The following FBXO21 variants were observed in gnomAD, a reference collection of about 807,000 sequenced individuals.
FBXO21 encodes F-box only protein 21.
FBXO21 carries 32 observed loss-of-function variants against 76.6 expected under a neutral mutation model. The ratio of observed to expected loss-of-function variants is 0.42; its 90% confidence interval spans 0.32 to 0.56. The LOEUF (loss-of-function observed/expected upper bound fraction) is 0.56, where lower values mean the gene tolerates loss of function less well. FBXO21 is among the 20% of genes least tolerant of loss of function. The pLI is 0.16. For synonymous variants in FBXO21, 328 were observed against 311.5 expected (o/e 1.05, Z -0.56); for missense variants, 586 against 797.3 (o/e 0.73, Z 3.19).
Position 117,155,906 on chromosome 12 carries a change from G to A in FBXO21, c.1560C>T (p.Cys520=). The part of the protein sequence containing the change: ...NCVIYGWDPT[C]MMGHEWIRNM... ...TCCGGATCCACTCGTGTCCCATCAT[G>A]CAGGTGGGGTCCCAGCCGTAGATCA... The change falls in exon 11 of 12, where the codon TGC becomes TGT. Residue 520 remains cysteine (C), a synonymous_variant. Coordinates refer to ENST00000622495, the MANE Select transcript of FBXO21 (RefSeq NM_015002.3). 2.5e-6 allele frequency: 4 copies of A among 1,614,204 alleles called. No homozygotes were observed. Among genetic ancestry groups the A allele is most frequent in the Non-Finnish European group, 3.4e-6 (4 of 1,180,004 alleles).
intron 3 of FBXO21, among the ~76,000 whole-genome samples, chr12:117,182,372 C>A (rs1036720099): frequency 3.9e-5 from 6 of 152,022 alleles, no homozygotes; most frequent in Admixed American, 1.3e-4. Context: ...TGCCTGTATT[C>A]CTAGCTACTC....
Position 117,144,161 on chromosome 12 carries a change from G to C in FBXO21, c.*1926C>G, listed in dbSNP as rs1038786484. 3.3e-4 allele frequency: 50 copies of C among 152,212 alleles called. No homozygotes were observed. Among genetic ancestry groups the C allele is most frequent in the African/African-American group, 1.2e-3 (48 of 41,426 alleles). The allele number at this position is 152,212 out of a possible 1,614,324, so 9.4% of individuals were successfully genotyped here. On this transcript the variant is annotated 3_prime_UTR_variant, in exon 12 of 12. Transcript: ENST00000622495. ...TCTTTCTTGACTTTGATGTGTCTAA[G>C]AAAAAAGGAAATCAATCAAACCAGA...
intron 5 of FBXO21, 32 bp downstream of exon 5, chr12:117,174,619 T>C: frequency 2.5e-6 from 4 of 1,602,718 alleles, no homozygotes; most frequent in East Asian, 4.5e-5. Context: ...TTTTCTTTCA[T>C]AAATACAGCT....
chr12:117,153,756 A>G (rs1161122531), intron 11 of FBXO21, among the ~76,000 whole-genome samples: 1 of 152,290 alleles, frequency 6.6e-6, no homozygotes, highest in Non-Finnish European at 1.5e-5. Context: ...GTGTAGGAAC[A>G]GCTTTGAAGT....
Position 117,189,402 on chromosome 12 carries a change from C to G in FBXO21, c.240-40G>C, listed in dbSNP as rs369152182. On this transcript the variant is annotated intron_variant, in intron 1 of 11. Transcript: ENST00000622495. ...ACACCCCCTCAGCTTAACAGAAACT[C>G]AAAGGCAGGCGGCCACGAATCCAAG... 5.0e-6 allele frequency: 8 copies of G among 1,611,874 alleles called. No homozygotes were observed. In the African/African-American group the frequency reaches 1.1e-4, roughly 22 times the overall value.
intron 10 of FBXO21, among the ~76,000 whole-genome samples, chr12:117,157,598 C>G (rs377544779): frequency 2.6e-5 from 4 of 152,182 alleles, no homozygotes; most frequent in African/African-American, 9.6e-5. Flanking sequence ...TGTTCTCACA[C>G]ACAGAGAAGG....
chr12:117,155,717 C>G, intron 11 of FBXO21, 74 bp downstream of exon 11: 2 of 1,487,208 alleles, frequency 1.3e-6, no homozygotes, highest in Non-Finnish European at 1.8e-6. Flanking sequence ...GCCCACAGTA[C>G]CTACCCGAGG....
chr12:117,171,180 A>G (rs1956114581), intron 7 of FBXO21, among the ~76,000 whole-genome samples: 1 of 151,914 alleles, frequency 6.6e-6, no homozygotes, highest in Non-Finnish European at 1.5e-5. Flanking sequence ...CCTGGGCAAC[A>G]TGGCAAGACC....
intron 3 of FBXO21, among the ~76,000 whole-genome samples, chr12:117,183,255 CTT>C (rs34160051): frequency 6.8e-6 from 1 of 147,246 alleles, no homozygotes; most frequent in Non-Finnish European, 1.5e-5. Context: ...CTGTTTAACA[CTT>C]TTTTTTTTTT....
intron 5 of FBXO21, 70 bp downstream of exon 5, chr12:117,174,581 A>C (rs1956154814): frequency 6.5e-7 from 1 of 1,542,256 alleles, no homozygotes; most frequent in African/African-American, 1.4e-5. Context: ...ACACTAACAA[A>C]TCTCTCAAAT....
intron 1 of FBXO21, among the ~76,000 whole-genome samples, chr12:117,189,684 G>T (rs1956324844): frequency 6.6e-6 from 1 of 151,990 alleles, no homozygotes; most frequent in Non-Finnish European, 1.5e-5. Flanking sequence ...GTGCCTCCCG[G>T]ACATCATCTA....
chr12:117,178,794 C>G (rs1956201340), intron 3 of FBXO21, among the ~76,000 whole-genome samples: 1 of 152,138 alleles, frequency 6.6e-6, no homozygotes. Flanking sequence ...CCTCACCACT[C>G]CCCTGCCTTC....
intron 11 of FBXO21, among the ~76,000 whole-genome samples, chr12:117,147,290 G>GAAAAAAAAA (rs144755940): frequency 1.2e-5 from 1 of 85,078 alleles, no homozygotes; most frequent in African/African-American, 4.8e-5. Flanking sequence ...TGAAAAAATG[G>GAAAAAAAAA]AAAAAAAAAA....
At chr12:117,167,758 A>AAG (rs1956071618) in intron 7 of FBXO21, among the ~76,000 whole-genome samples, 1 of 151,896 alleles carries the variant, frequency 6.6e-6, no homozygotes, top group Non-Finnish European at 1.5e-5. Flanking sequence ...AAAAAAAAAA[A>AAG]AAAAGTTACA....
chr12:117,172,197 G>A (rs1353980877), intron 7 of FBXO21, among the ~76,000 whole-genome samples: 1 of 152,202 alleles, frequency 6.6e-6, no homozygotes, highest in African/African-American at 2.4e-5. Context: ...TGAGATAAAT[G>A]TAGATTCACA....
Position 117,142,118 on chromosome 12 carries a change from A to G in FBXO21, c.*3969T>C, listed in dbSNP as rs1593050520. On this transcript the variant is annotated 3_prime_UTR_variant, in exon 12 of 12. Coordinates refer to ENST00000622495, the MANE Select transcript of FBXO21 (RefSeq NM_015002.3). ...ACCGGAGGGACGTCCTTTACTTTCA[A>G]GATTCTAAATTTTTCAGAAATGCAA... 1 of 151,638 alleles carries G rather than the reference A, an allele frequency of 6.6e-6. No homozygotes were observed. The highest frequency in any genetic ancestry group is 1.9e-4 in the East Asian group (1 of 5,188). 9.4% of individuals were successfully genotyped at this position (151,638 alleles called of 1,614,324 possible). A position where few individuals can be genotyped will look rare whatever the true frequency, so the allele number is the denominator to read the frequency against.
At chr12:117,146,877 GTT>G (rs1955776999) in intron 11 of FBXO21, among the ~76,000 whole-genome samples, 1 of 152,176 alleles carries the variant, frequency 6.6e-6, no homozygotes, top group African/African-American at 2.4e-5. Context: ...GATATCAGAT[GTT>G]ATTATCTGTA....
intron 11 of FBXO21, 31 bp downstream of exon 11, chr12:117,155,760 G>A (rs1955908380): frequency 1.3e-6 from 2 of 1,598,226 alleles, no homozygotes; most frequent in Non-Finnish European, 1.7e-6. Context: ...CGCCCGCGGG[G>A]CCACTGGCAC....
chr12:117,181,110 T>C (rs576066515), intron 3 of FBXO21, among the ~76,000 whole-genome samples: 17 of 152,344 alleles, frequency 1.1e-4, no homozygotes, highest in African/African-American at 3.6e-4. Context: ...CTGCCAGTCC[T>C]TATATCAGTG....
Sources: gnomAD v4.1 joint callset for allele counts (sites outside exome capture counted in the v4.1 genomes callset) on GRCh38, gnomAD v4.1.1 for gene constraint, MANE v1.5 for transcripts, NCBI Gene and HGNC (gene_info 2026-07-23, HGNC 2026-07-21) for gene names.